POU6F2: variants seen among roughly 807,000 people sequenced by gnomAD.
POU6F2 encodes POU class 6 homeobox 2, also known as POU domain, class 6, transcription factor 2.
POU6F2 carries 31 observed loss-of-function variants against 71.3 expected under a neutral mutation model. That is an observed-to-expected ratio of 0.43 (90% CI 0.33 to 0.59). The LOEUF (loss-of-function observed/expected upper bound fraction) is 0.59, where lower values mean the gene tolerates loss of function less well. Ranked by LOEUF, POU6F2 falls within the 20% of genes least tolerant of loss-of-function variation. The pLI, the probability that POU6F2 is intolerant of heterozygous loss-of-function variation, is 0.04. For synonymous variants in POU6F2, 347 were observed against 355.7 expected (o/e 0.98, Z 0.27); for missense variants, 783 against 856.8 (o/e 0.91, Z 1.07).
intron 1 of POU6F2, among the ~76,000 whole-genome samples, chr7:39,026,626 G>A (rs1474111133): frequency 6.6e-6 from 1 of 152,034 alleles, no homozygotes; most frequent in African/African-American, 2.4e-5. Context: ...GGGAGGGATA[G>A]CATTAGGAGA....
At chr7:39,163,542 C>T (rs1176597235) in intron 2 of POU6F2, among the ~76,000 whole-genome samples, 1 of 152,054 alleles carries the variant, frequency 6.6e-6, no homozygotes, top group South Asian at 2.1e-4. Context: ...CTGTCTCTTG[C>T]GTCAATAGTG....
intron 8 of POU6F2, among the ~76,000 whole-genome samples, chr7:39,452,022 G>A (rs541897005): frequency 2.0e-5 from 3 of 152,330 alleles, no homozygotes; most frequent in South Asian, 4.1e-4. Context: ...TTCAGGGCAT[G>A]AGCCACATAG....
intron 1 of POU6F2, among the ~76,000 whole-genome samples, chr7:39,009,429 C>T (rs1208841281): frequency 1.3e-5 from 2 of 152,140 alleles, no homozygotes; most frequent in African/African-American, 2.4e-5. Flanking sequence ...TGGGCTGAGA[C>T]AATGGGGTTT....
chr7:39,317,309 T>A (rs1268517418), intron 4 of POU6F2, among the ~76,000 whole-genome samples: 1 of 152,162 alleles, frequency 6.6e-6, no homozygotes, highest in Non-Finnish European at 1.5e-5. Flanking sequence ...GCCGATGGCT[T>A]GTAAAAAGCC....
chr7:39,375,445 G>T (rs10234313), intron 5 of POU6F2, among the ~76,000 whole-genome samples: 2,818 of 151,988 alleles, frequency 0.019, 47 homozygotes, highest in Non-Finnish European at 0.029. Context: ...AGGTCATGCC[G>T]CCCAGTCCCT....
At chr7:39,139,979 A>G (rs1408699914) in intron 2 of POU6F2, among the ~76,000 whole-genome samples, 1 of 152,206 alleles carries the variant, frequency 6.6e-6, no homozygotes, top group East Asian at 1.9e-4. Context: ...AGGAATTCAC[A>G]TTAGAGACAG....
intron 4 of POU6F2, among the ~76,000 whole-genome samples, chr7:39,319,288 T>C (rs1785337123): frequency 6.6e-6 from 1 of 152,202 alleles, no homozygotes; most frequent in African/African-American, 2.4e-5. Context: ...CTCCTCTATC[T>C]TTAGTTTCTG....
At chr7:39,424,763 G>A (rs1386340265) in intron 6 of POU6F2, among the ~76,000 whole-genome samples, 1 of 151,742 alleles carries the variant, frequency 6.6e-6, no homozygotes, top group East Asian at 1.9e-4. Flanking sequence ...AGTAAAATAT[G>A]TAACCCCAGA....
intron 7 of POU6F2, among the ~76,000 whole-genome samples, chr7:39,434,594 G>A (rs1340540035): frequency 4.0e-5 from 6 of 151,642 alleles, no homozygotes; most frequent in African/African-American, 1.2e-4. Flanking sequence ...TTAATCTGCA[G>A]CCAAGCCCTG....
intron 2 of POU6F2, among the ~76,000 whole-genome samples, chr7:39,101,084 T>G (rs1791562756): frequency 6.6e-6 from 1 of 151,322 alleles, no homozygotes; most frequent in Non-Finnish European, 1.5e-5. Context: ...TTTTTTTTTT[T>G]TTTTTTGAGA....
At chr7:39,092,048 C>G (rs1340696940) in intron 2 of POU6F2, among the ~76,000 whole-genome samples, 1 of 152,220 alleles carries the variant, frequency 6.6e-6, no homozygotes, top group Non-Finnish European at 1.5e-5. Context: ...CCTGGGAATG[C>G]AGAGGCAATC....
At chr7:39,249,479 G>T (rs1783877190) in intron 4 of POU6F2, among the ~76,000 whole-genome samples, 1 of 152,168 alleles carries the variant, frequency 6.6e-6, no homozygotes, top group African/African-American at 2.4e-5. Context: ...AAACTGAGAA[G>T]CTCCTTTTGA....
intron 1 of POU6F2, among the ~76,000 whole-genome samples, chr7:39,012,881 T>A (rs1470745244): frequency 6.6e-6 from 1 of 152,104 alleles, no homozygotes; most frequent in Non-Finnish European, 1.5e-5. Context: ...AGTCTGCCGG[T>A]TCTCAGATCT....
At chr7:39,081,704 G>A (rs1791121499) in intron 1 of POU6F2, among the ~76,000 whole-genome samples, 1 of 152,154 alleles carries the variant, frequency 6.6e-6, no homozygotes, top group Non-Finnish European at 1.5e-5. Context: ...GAGCTGTTTT[G>A]TTCCTACATT....
At chr7:39,050,512 G>A (rs989971235) in intron 1 of POU6F2, among the ~76,000 whole-genome samples, 2 of 152,094 alleles carry the variant, frequency 1.3e-5, no homozygotes, top group African/African-American at 4.8e-5. Flanking sequence ...TCAACCAAGG[G>A]TATCAAGTGT....
intron 1 of POU6F2, among the ~76,000 whole-genome samples, chr7:39,069,466 A>G (rs1175701545): frequency 6.6e-6 from 1 of 152,164 alleles, no homozygotes; most frequent in Admixed American, 6.5e-5. Flanking sequence ...TTTAAGTCCC[A>G]CTGGGAAGTG....
At chr7:39,019,154 T>C (rs1478192958) in intron 1 of POU6F2, among the ~76,000 whole-genome samples, 1 of 152,216 alleles carries the variant, frequency 6.6e-6, no homozygotes, top group African/African-American at 2.4e-5. Context: ...TGGTAAATTT[T>C]ATGAGTCCCC....
intron 1 of POU6F2, among the ~76,000 whole-genome samples, chr7:39,033,604 A>G (rs1789993563): frequency 6.6e-6 from 1 of 152,160 alleles, no homozygotes; most frequent in Non-Finnish European, 1.5e-5. Context: ...TTCCCCCTTC[A>G]TAGAGAATTA....
At chr7:39,288,084 AT>A in intron 4 of POU6F2, among the ~76,000 whole-genome samples, 1 of 152,370 alleles carries the variant, frequency 6.6e-6, no homozygotes, top group South Asian at 2.1e-4. Context: ...GAGCAGGTAC[AT>A]TTTAAACACT....
Sources: gnomAD v4.1 joint callset for allele counts (sites outside exome capture counted in the v4.1 genomes callset) on GRCh38, gnomAD v4.1.1 for gene constraint, MANE v1.5 for transcripts, NCBI Gene and HGNC (gene_info 2026-07-23, HGNC 2026-07-21) for gene names.